ANKRD33B: variants seen among roughly 807,000 people sequenced by gnomAD.
The protein encoded by ANKRD33B is ankyrin repeat domain 33B, also known as ankyrin repeat domain-containing protein 33B.
ANKRD33B carries 6 observed loss-of-function variants against 21.5 expected under a neutral mutation model. That is an observed-to-expected ratio of 0.28 (90% CI 0.15 to 0.55). The LOEUF (loss-of-function observed/expected upper bound fraction) is 0.55. Among genes scored for constraint, ANKRD33B ranks in the 20% least tolerant of loss-of-function variants. ANKRD33B has a pLI of 0.94. For missense variants in ANKRD33B, 698 were observed against 747.2 expected (o/e 0.93, Z 0.77); for synonymous variants, 347 against 342.4 (o/e 1.01, Z -0.15).
At chr5:10,579,129 A>C (rs1735384462) in intron 1 of ANKRD33B, among the ~76,000 whole-genome samples, 2 of 149,246 alleles carry the variant, frequency 1.3e-5, no homozygotes, top group Non-Finnish European at 3.0e-5. Flanking sequence ...GCGCCACTGC[A>C]CTCTAGTCTG....
chr5:10,569,113 A>C (rs1434965986), intron 1 of ANKRD33B, among the ~76,000 whole-genome samples: 2 of 152,234 alleles, frequency 1.3e-5, no homozygotes, highest in African/African-American at 4.8e-5. Flanking sequence ...AAAAATGAGA[A>C]TCCAGTTATT....
At chr5:10,575,879 G>T (rs1157895841) in intron 1 of ANKRD33B, among the ~76,000 whole-genome samples, 2 of 152,134 alleles carry the variant, frequency 1.3e-5, no homozygotes, top group African/African-American at 4.8e-5. Flanking sequence ...CCATAAAGGG[G>T]TAGCTGGAGG....
chr5:10,641,225 CTTTTTTTTTT>C (rs772445527), intron 3 of ANKRD33B, among the ~76,000 whole-genome samples: 7 of 77,448 alleles, frequency 9.0e-5, no homozygotes, highest in African/African-American at 3.0e-4. Context: ...TCTTCTTCTT[CTTTTTTTTTT>C]TTTTTTTTTT....
Position 10,651,677 on chromosome 5 carries a change from G to T in ANKRD33B, c.*1564G>T, listed in dbSNP as rs887445952. ...GGCCTATTTGGAGGCTCTGTACTAT[G>T]ACCCTAATAACCCTAGATACATCAT... On this transcript the variant is annotated 3_prime_UTR_variant, in exon 4 of 4. Coordinates refer to ENST00000296657, the MANE Select transcript of ANKRD33B (RefSeq NM_001164440.2). 1.3e-5 allele frequency: 2 copies of T among 152,266 alleles called. No homozygotes were observed. The highest frequency in any genetic ancestry group is 4.8e-5 in the African/African-American group (2 of 41,392). The allele number at this position is 152,266 out of a possible 1,614,324, so 9.4% of individuals were successfully genotyped here.
chr5:10,574,639 C>T lies in ANKRD33B; in HGVS notation c.366+9806C>T, dbSNP rs189632492. Among the ~76,000 whole-genome samples the T allele has an allele frequency of 2.5e-3, 380 of 152,226 alleles. 2 individuals are homozygous for T. The highest frequency in any genetic ancestry group is 4.4e-3 in the Non-Finnish European group (299 of 68,016). On this transcript the variant is annotated intron_variant, in intron 1 of 3. Coordinates refer to ENST00000296657, the MANE Select transcript of ANKRD33B (RefSeq NM_001164440.2). ...TATAGATCCAGGACAAAAGCTGATT[C>T]TCTGAAAGTAATAATAAAATAGATA... is the stretch of plus-strand genomic sequence containing the variant.
Position 10,618,452 on chromosome 5 carries a change from T to G in ANKRD33B, c.486T>G (p.Ala162=). The G allele has an allele frequency of 6.5e-7, 1 of 1,533,228 alleles. No individual in the cohort carries two copies. Among genetic ancestry groups the G allele is most frequent in the South Asian group, 1.2e-5 (1 of 83,722 alleles). The allele number at this position is 1,533,228 out of a possible 1,614,324, so 95.0% of individuals were successfully genotyped here. The part of the protein sequence containing the change: ...DSEGNTALIT[A]AQAGHAIITN... ...AGGGGAACACAGCCCTAATCACAGC[T>G]GCACAGGCAGGTAAGAGCTGGCTTT... Residue 162 remains alanine, a synonymous_variant, in exon 2 of 4, where the codon GCT becomes GCG. Transcript: ENST00000296657.
intron 2 of ANKRD33B, among the ~76,000 whole-genome samples, chr5:10,630,829 C>T (rs553587956): frequency 1.9e-4 from 28 of 149,600 alleles, no homozygotes; most frequent in African/African-American, 4.7e-4. Flanking sequence ...GCCAAGGTCG[C>T]GCCACTGCAC....
At chr5:10,590,366 C>G (rs1334611832) in intron 1 of ANKRD33B, among the ~76,000 whole-genome samples, 1 of 152,174 alleles carries the variant, frequency 6.6e-6, no homozygotes, top group African/African-American at 2.4e-5. Context: ...AGATTGCAGT[C>G]TAGGTTGTAG....
At chr5:10,601,252 GCTTT>G (rs1735922803) in intron 1 of ANKRD33B, among the ~76,000 whole-genome samples, 1 of 152,162 alleles carries the variant, frequency 6.6e-6, no homozygotes, top group Admixed American at 6.5e-5. Flanking sequence ...TGATCACGCT[GCTTT>G]CTAAGACCCT....
chr5:10,647,617 G>A (rs1737218436), intron 3 of ANKRD33B, among the ~76,000 whole-genome samples: 2 of 152,122 alleles, frequency 1.3e-5, no homozygotes, highest in African/African-American at 4.8e-5. Context: ...CTGTGTAAGG[G>A]GACCTATCAG....
intron 2 of ANKRD33B, among the ~76,000 whole-genome samples, chr5:10,635,777 A>C (rs1474362886): frequency 6.6e-6 from 1 of 152,160 alleles, no homozygotes; most frequent in African/African-American, 2.4e-5. Context: ...CTGGGTTCCA[A>C]CCCCGGCAGT....
chr5:10,608,734 A>G lies in ANKRD33B; in HGVS notation c.367-9599A>G, dbSNP rs573449566. On this transcript the variant is annotated intron_variant, in intron 1 of 3. Coordinates refer to ENST00000296657, the MANE Select transcript of ANKRD33B (RefSeq NM_001164440.2). ...TCTTTAGGGTTTTTGAATGGGAGGC[A>G]TTGCTTAAACGCATGACAAAAAGCA... Among the ~76,000 whole-genome samples, 8 of 152,332 alleles carry G rather than the reference A, an allele frequency of 5.3e-5. No individual in the cohort carries two copies. In the East Asian group the frequency reaches 1.3e-3, roughly 26 times the overall value.
chr5:10,646,984 G>A (rs1408530803), intron 3 of ANKRD33B, among the ~76,000 whole-genome samples: 1 of 152,212 alleles, frequency 6.6e-6, no homozygotes, highest in African/African-American at 2.4e-5. Context: ...GTCTGCATGG[G>A]ATATAAATGA....
At chr5:10,608,988 C>T (rs773913097) in intron 1 of ANKRD33B, among the ~76,000 whole-genome samples, 6 of 152,152 alleles carry the variant, frequency 3.9e-5, no homozygotes, top group Admixed American at 1.3e-4. Flanking sequence ...CAGCCTTGGG[C>T]GCCAGTGCCA....
At chr5:10,579,582 A>G (rs1184016692) in intron 1 of ANKRD33B, among the ~76,000 whole-genome samples, 1 of 152,200 alleles carries the variant, frequency 6.6e-6, no homozygotes, top group Non-Finnish European at 1.5e-5. Flanking sequence ...TGGAAAATTA[A>G]TCAGTGCACA....
intron 1 of ANKRD33B, among the ~76,000 whole-genome samples, chr5:10,566,340 C>T (rs1735056646): frequency 6.6e-6 from 1 of 152,196 alleles, no homozygotes; most frequent in Admixed American, 6.5e-5. Flanking sequence ...CACCCGAAGT[C>T]CTAGGGCCTG....
At chr5:10,626,367 C>T (rs1051624577) in intron 2 of ANKRD33B, among the ~76,000 whole-genome samples, 5 of 152,226 alleles carry the variant, frequency 3.3e-5, no homozygotes, top group African/African-American at 1.2e-4. Flanking sequence ...GTGGCGATTT[C>T]TCCTTTCCCC....
chr5:10,647,146 T>C (rs1303622460), intron 3 of ANKRD33B, among the ~76,000 whole-genome samples: 1 of 151,946 alleles, frequency 6.6e-6, no homozygotes, highest in Non-Finnish European at 1.5e-5. Context: ...TCTCTGTTAA[T>C]CAGGCTGGAG....
At chr5:10,624,517 C>T (rs1016146975) in intron 2 of ANKRD33B, among the ~76,000 whole-genome samples, 1 of 152,062 alleles carries the variant, frequency 6.6e-6, no homozygotes, top group Non-Finnish European at 1.5e-5. Flanking sequence ...GTGCACCCAC[C>T]CTCTGGCCTG....
Sources: gnomAD v4.1 joint callset for allele counts (sites outside exome capture counted in the v4.1 genomes callset) on GRCh38, gnomAD v4.1.1 for gene constraint, MANE v1.5 for transcripts, NCBI Gene and HGNC (gene_info 2026-07-23, HGNC 2026-07-21) for gene names.